The following HOXC6 variants were observed in gnomAD, a reference collection of about 807,000 sequenced individuals.
The protein encoded by HOXC6 is homeobox protein Hox-C6.
In HOXC6, 10 loss-of-function variants were observed where a neutral mutation model predicts 24.0. The ratio of observed to expected loss-of-function variants is 0.42; its 90% CI spans 0.26 to 0.71. The LOEUF is 0.71. Ranked by LOEUF, HOXC6 falls within the 30% of genes least tolerant of loss-of-function variation. HOXC6 has a pLI of 0.28. For synonymous variants in HOXC6, 123 were observed against 128.1 expected, an observed-to-expected ratio of 0.96 and a Z score of 0.27; for missense variants, 258 against 303.4, an observed-to-expected ratio of 0.85 and a Z score of 1.11.
At chr12:54,025,114 G>A (rs1442369882), upstream of HOXC6, among the ~76,000 whole-genome samples, 3 of 152,272 alleles carry the variant, frequency 2.0e-5, no homozygotes, top group South Asian at 2.1e-4. Context: ...GGGGGGTAGT[G>A]TTCTCTGATT....
At chr12:54,021,941 T>G (rs1268675386) in intron 1 of HOXC6, 1 of 152,226 alleles carries the variant, frequency 6.6e-6, no homozygotes, top group East Asian at 1.9e-4. Flanking sequence ...CCTCACAAGC[T>G]CCTGCATTCT....
rs1940941003 is a variant in HOXC6, at chr12:54,030,404, G to A, written c.*442G>A. ...CCGGCCTGGCAGCCGGGGAGGGCCG[G>A]AGGCCCAAGGAGGGCGCGCCTTGGC... On this transcript the variant is annotated 3_prime_UTR_variant, in exon 2 of 2. Coordinates refer to ENST00000243108, the MANE Select transcript of HOXC6 (RefSeq NM_004503.4). The A allele has an allele frequency of 6.5e-6, 1 of 153,554 alleles. No individual in the cohort carries two copies. Among genetic ancestry groups the A allele is most frequent in the Non-Finnish European group, 1.5e-5 (1 of 68,842 alleles). The allele number at this position is 153,554 out of a possible 1,614,324, so 9.5% of individuals were successfully genotyped here.
chr12:54,027,571 TTCTC>T (rs1169899914), upstream of HOXC6, among the ~76,000 whole-genome samples: 1 of 152,216 alleles, frequency 6.6e-6, no homozygotes, highest in African/African-American at 2.4e-5. Flanking sequence ...CTCTCTCTCT[TTCTC>T]TCTGTCTTTC....
Position 54,028,920 on chromosome 12 carries a change from T to C in HOXC6, c.399T>C (p.Ser133=). ...YPWMQRMNSH[S]GVGYGADRRR... is the part of the protein sequence containing the mutation. ...GGATGCAGCGAATGAATTCGCACAG[T>C]GGTGAGTTTTACAGCTCCGAGATAT... Residue 133 remains serine (S), a splice_region_variant and synonymous_variant, in exon 1 of 2, where the codon AGT becomes AGC. Transcript: ENST00000243108. 2.5e-6 allele frequency: 4 copies of C among 1,606,026 alleles called. No homozygotes were observed. Among genetic ancestry groups the C allele is most frequent in the Non-Finnish European group, 3.4e-6 (4 of 1,178,484 alleles).
chr12:54,024,184 C>T (rs575915974), upstream of HOXC6, among the ~76,000 whole-genome samples: 34 of 151,994 alleles, frequency 2.2e-4, no homozygotes, highest in African/African-American at 8.0e-4. Flanking sequence ...CCCAGTGGCA[C>T]AAAAGGGGCC....
At chr12:54,026,671 A>G (rs1226172704), upstream of HOXC6, among the ~76,000 whole-genome samples, 2 of 152,058 alleles carry the variant, frequency 1.3e-5, no homozygotes, top group Non-Finnish European at 1.5e-5. Flanking sequence ...AGACTCTTCA[A>G]CCCCCTAACG....
upstream of HOXC6, among the ~76,000 whole-genome samples, chr12:54,026,933 CT>C (rs796495350): frequency 8.6e-4 from 125 of 145,056 alleles, no homozygotes; most frequent in African/African-American, 2.2e-3. Context: ...TTATAGCCAG[CT>C]TTCCCCCCCC....
chr12:54,019,100 C>T (rs946508621), intron 1 of HOXC6, among the ~76,000 whole-genome samples: 1 of 139,172 alleles, frequency 7.2e-6, no homozygotes, highest in Non-Finnish European at 1.5e-5. Flanking sequence ...CCGCTAAATT[C>T]CCCTTTCGCA....
chr12:54,029,565 G>T, intron 1 of HOXC6, 90 bp from the exon 2 acceptor site: 1 of 1,385,694 alleles, frequency 7.2e-7, no homozygotes, highest in African/African-American at 1.4e-5. Context: ...TGCTGGCCAG[G>T]TTGGGAGGGT....
Position 54,030,022 on chromosome 12 carries a change from CT to C in HOXC6, c.*61del. 1 of 1,375,524 alleles carries C rather than the reference CT, an allele frequency of 7.3e-7. No homozygotes were observed. The highest frequency in any genetic ancestry group is 9.8e-7 in the Non-Finnish European group (1 of 1,025,466). The allele number at this position is 1,375,524 out of a possible 1,614,324, so 85.2% of individuals were successfully genotyped here. A position where few individuals can be genotyped will look rare whatever the true frequency, so the allele number is the denominator to read the frequency against. Reference sequence around the variant, plus strand: ...TCCCTCGCTCCCCACCAACTCTCCCCTAATCACACACTCTGTATTTATCACT... The same window carrying C: ...TCCCTCGCTCCCCACCAACTCTCCCCAATCACACACTCTGTATTTATCACT... On this transcript the variant is annotated 3_prime_UTR_variant, in exon 2 of 2. Transcript: ENST00000243108.
At chr12:54,029,410 C>CG (rs1565742000) in intron 1 of HOXC6, among the ~76,000 whole-genome samples, 1 of 87,864 alleles carries the variant, frequency 1.1e-5, no homozygotes, top group East Asian at 5.5e-4. Context: ...CCCGCCCCCC[C>CG]GCCCCCCCCC....
At chr12:54,020,608 C>T (rs1016118313) in intron 1 of HOXC6, 1 of 152,164 alleles carries the variant, frequency 6.6e-6, no homozygotes, top group African/African-American at 2.4e-5. Flanking sequence ...CTCATATTTC[C>T]TTGGTGGTTA....
At chr12:54,018,169 T>G (rs1592218506) in intron 1 of HOXC6, among the ~76,000 whole-genome samples, 2 of 145,750 alleles carry the variant, frequency 1.4e-5, no homozygotes, top group Non-Finnish European at 3.0e-5. Flanking sequence ...AGGGTGGGGG[T>G]GGGGGATGCT....
At chr12:54,024,122 C>T (rs1048217541), upstream of HOXC6, among the ~76,000 whole-genome samples, 4 of 152,202 alleles carry the variant, frequency 2.6e-5, no homozygotes, top group Non-Finnish European at 5.9e-5. Flanking sequence ...ATGAGGGGAG[C>T]TGAGCAATTA....
At chr12:54,017,924 A>C (rs1316169379) in intron 1 of HOXC6, among the ~76,000 whole-genome samples, 2 of 151,838 alleles carry the variant, frequency 1.3e-5, no homozygotes, top group East Asian at 3.9e-4. Context: ...CCTCCCAGAG[A>C]GCGCGACTGC....
chr12:54,018,014 C>T (rs1025228791), intron 1 of HOXC6, among the ~76,000 whole-genome samples: 2 of 152,160 alleles, frequency 1.3e-5, no homozygotes, highest in Non-Finnish European at 2.9e-5. Context: ...GCCGGCGGGG[C>T]CTGTTAATTG....
At position 54,029,941 on chromosome 12, in the gene HOXC6, A is replaced by C. The variant is rs781534587; in HGVS notation, c.687A>C (p.Glu229Asp). The C allele has an allele frequency of 1.3e-6, 2 of 1,590,682 alleles. No homozygotes were observed. The highest frequency in any genetic ancestry group is 1.7e-6 in the Non-Finnish European group (2 of 1,167,538). Residue 229 changes from glutamate (E) to aspartate (D), a missense_variant, in exon 2 of 2, where the codon GAA becomes GAC. Coordinates refer to ENST00000243108, the MANE Select transcript of HOXC6 (RefSeq NM_004503.4). ...AAGAGGAAAAGCGGGAAGAGACAGA[A>C]GAGGAGAAGCAGAAAGAGTGACCAG... ...GGKEEKREET[E>D]EEKQKE
chr12:54,025,048 T>C (rs1375675033), upstream of HOXC6, among the ~76,000 whole-genome samples: 1 of 152,126 alleles, frequency 6.6e-6, no homozygotes, highest in Non-Finnish European at 1.5e-5. Flanking sequence ...AATGCCTGAT[T>C]TGGGAGGCTA....
At chr12:54,027,053 C>T (rs1467904962), upstream of HOXC6, among the ~76,000 whole-genome samples, 1 of 152,042 alleles carries the variant, frequency 6.6e-6, no homozygotes, top group African/African-American at 2.4e-5. Context: ...GCCTATATCA[C>T]GATATCAAAT....
Sources: allele counts gnomAD v4.1 joint callset (sites outside exome capture counted in the v4.1 genomes callset), GRCh38; gene constraint gnomAD v4.1.1; transcripts MANE v1.5; gene names NCBI Gene and HGNC (gene_info 2026-07-23, HGNC 2026-07-21).